Variants in SP100 observed in about 807,000 individuals in gnomAD.
The protein encoded by SP100 is nuclear autoantigen Sp-100.
A neutral mutation model predicts 130.0 loss-of-function variants in SP100; 84 were observed. The observed-to-expected ratio is 0.65, with a 90% confidence interval of 0.54 to 0.77. SP100 has a LOEUF of 0.77. SP100 is among the 30% of genes least tolerant of loss of function. The pLI is 0.00. For synonymous variants in SP100, 331 were observed against 351.7 expected, an observed-to-expected ratio of 0.94 and a Z score of 0.66; for missense variants, 978 against 1,052.2, an observed-to-expected ratio of 0.93 and a Z score of 0.97.
chr2:230,452,476 G>A (rs770960990), intron 8 of SP100, among the ~76,000 whole-genome samples: 22 of 152,216 alleles, frequency 1.4e-4, no homozygotes, highest in African/African-American at 4.6e-4. Context: ...GCACCTGGCC[G>A]CCATTGGAAT....
chr2:230,436,731 T>C lies in SP100; in HGVS notation c.108-6206T>C, dbSNP rs1575602371. On this transcript the variant is annotated intron_variant, in intron 2 of 28. Transcript: ENST00000340126. ...CTTTTTCTAGTTCTTATGAATTTTATTAGGTCTATAGGTTTCCTACATATA... is the reference window on the plus strand; with the variant it reads ...CTTTTTCTAGTTCTTATGAATTTTACTAGGTCTATAGGTTTCCTACATATA... 3.3e-5 allele frequency among the ~76,000 whole-genome samples: 5 copies of C among 152,342 alleles called. No homozygotes were observed. In the South Asian group the frequency reaches 8.3e-4, roughly 25 times the overall value.
chr2:230,445,546 G>T lies in SP100; in HGVS notation c.439+1200G>T, dbSNP rs113841206. Reference sequence around the variant, plus strand: ...CAGGTTTATAAACAAGGAAAGAAGTGTAAGCAGTAGTTGTATATGGCTTAT... The same window carrying T: ...CAGGTTTATAAACAAGGAAAGAAGTTTAAGCAGTAGTTGTATATGGCTTAT... On this transcript the variant is annotated intron_variant, in intron 4 of 28. Coordinates refer to ENST00000340126, the MANE Select transcript of SP100 (RefSeq NM_001080391.2). 2.0e-5 allele frequency among the ~76,000 whole-genome samples: 3 copies of T among 152,294 alleles called. 1 individual carries two copies. The highest frequency in any genetic ancestry group is 7.2e-5 in the African/African-American group (3 of 41,554).
At chr2:230,444,120 A>T in intron 3 of SP100, 58 bp from the exon 4 acceptor site, 1 of 1,245,888 alleles carries the variant, frequency 8.0e-7, no homozygotes, top group Non-Finnish European at 1.1e-6. Flanking sequence ...TCCTTTCTAG[A>T]GCTCTTCTGT....
rs1223219645 is a variant in SP100, at chr2:230,497,092, T to A, written c.1646-1369T>A. ...GAAATCCAAGAATAGCCACACTACTTCCTGTGGGGTATTTGAGCAAGACAA... is the reference window on the plus strand; with the variant it reads ...GAAATCCAAGAATAGCCACACTACTACCTGTGGGGTATTTGAGCAAGACAA... On this transcript the variant is annotated intron_variant, in intron 18 of 28. Coordinates refer to ENST00000340126, the MANE Select transcript of SP100 (RefSeq NM_001080391.2). Among the ~76,000 whole-genome samples, 4 of 152,140 alleles carry A rather than the reference T, an allele frequency of 2.6e-5. No individual in the cohort carries two copies. The East Asian group carries it at 7.7e-4, about 29-fold the overall frequency.
chr2:230,507,926 C>A lies in SP100; in HGVS notation c.2014-67C>A. The A allele has an allele frequency of 2.1e-6, 3 of 1,439,594 alleles. No individual in the cohort carries two copies. The South Asian group carries it at 3.7e-5, about 18-fold the overall frequency. The allele number at this position is 1,439,594 out of a possible 1,614,324, so 89.2% of individuals were successfully genotyped here. ...CAGGTAGGAATATTTGGAAGGCAGT[C>A]AGAAATACTAAGCTCACAAAATAAA... On this transcript the variant is annotated intron_variant, in intron 22 of 28. Coordinates refer to ENST00000340126, the MANE Select transcript of SP100 (RefSeq NM_001080391.2).
At chr2:230,539,221 C>A in intron 24 of SP100, 46 bp from the exon 25 acceptor site, 1 of 1,215,488 alleles carries the variant, frequency 8.2e-7, no homozygotes, top group Non-Finnish European at 1.2e-6. Context: ...ATTCTAGGGT[C>A]CAAGGGTCTC....
intron 24 of SP100, among the ~76,000 whole-genome samples, chr2:230,536,266 C>T (rs1470677715): frequency 1.3e-5 from 2 of 152,002 alleles, no homozygotes; most frequent in Admixed American, 1.3e-4. Context: ...TGGATTTGCC[C>T]ACGACACTCC....
At chr2:230,542,145 A>G in intron 28 of SP100, 110 bp downstream of exon 28, 1 of 1,101,594 alleles carries the variant, frequency 9.1e-7, no homozygotes, top group Non-Finnish European at 1.3e-6. Flanking sequence ...TTATCATATG[A>G]CAAGCCCATA....
chr2:230,510,874 G>T, intron 23 of SP100: 1 of 542,400 alleles, frequency 1.8e-6, no homozygotes, highest in Non-Finnish European at 3.3e-6. Flanking sequence ...CAGTCTCCCT[G>T]AATGGTTTCA....
intron 5 of SP100, among the ~76,000 whole-genome samples, 179 bp downstream of exon 5, chr2:230,447,081 G>A (rs2063743740): frequency 6.6e-6 from 1 of 152,160 alleles, no homozygotes; most frequent in Admixed American, 6.5e-5. Context: ...GGCATAGTTG[G>A]CTCAATAACC....
intron 24 of SP100, chr2:230,537,954 C>A (rs1166560224): frequency 6.6e-6 from 1 of 152,284 alleles, no homozygotes; most frequent in African/African-American, 2.4e-5. Context: ...AGGCAGAGCC[C>A]AAGGCTGTAT....
intron 24 of SP100, 116 bp from the exon 25 acceptor site, chr2:230,539,151 C>A (rs1692066215): frequency 1.5e-6 from 1 of 660,486 alleles, no homozygotes; most frequent in African/African-American, 1.8e-5. Context: ...ACTCAGCAAT[C>A]TTTAATATTT....
intron 24 of SP100, among the ~76,000 whole-genome samples, chr2:230,525,634 G>A (rs1417888780): frequency 6.6e-6 from 1 of 152,172 alleles, no homozygotes; most frequent in African/African-American, 2.4e-5. Context: ...AAGCACAAGG[G>A]GTGGGGGGAT....
At chr2:230,510,452 C>A in intron 23 of SP100, 1 of 119,100 alleles carries the variant, frequency 8.4e-6, no homozygotes. Flanking sequence ...TTTGCAGCTT[C>A]TCTGGATGGA....
intron 8 of SP100, among the ~76,000 whole-genome samples, chr2:230,460,157 A>G (rs572038321): frequency 1.8e-4 from 27 of 152,304 alleles, no homozygotes; most frequent in African/African-American, 6.0e-4. Context: ...GCAGAAACCA[A>G]CAGAAATGTG....
chr2:230,447,623 C>T (rs898248914), intron 5 of SP100, among the ~76,000 whole-genome samples: 5 of 152,158 alleles, frequency 3.3e-5, no homozygotes, highest in African/African-American at 1.2e-4. Flanking sequence ...AAGGATACAA[C>T]TCAAGAAGAG....
intron 2 of SP100, among the ~76,000 whole-genome samples, chr2:230,437,799 G>T (rs938858443): frequency 6.6e-6 from 1 of 151,878 alleles, no homozygotes; most frequent in Non-Finnish European, 1.5e-5. Flanking sequence ...CTCGTGATCC[G>T]CCCGCCTCAG....
intron 7 of SP100, 30 bp from the exon 8 acceptor site, chr2:230,450,142 G>A: frequency 6.6e-7 from 1 of 1,518,202 alleles, no homozygotes; most frequent in East Asian, 2.3e-5. Context: ...GGCTCTACTG[G>A]ATCTCAGCTG....
intron 15 of SP100, among the ~76,000 whole-genome samples, chr2:230,470,687 G>A (rs1284110375): frequency 6.6e-6 from 1 of 152,072 alleles, no homozygotes; most frequent in Non-Finnish European, 1.5e-5. Context: ...GGAAATAGAT[G>A]TACAGAAGTA....
Sources: gnomAD v4.1 joint callset for allele counts (sites outside exome capture counted in the v4.1 genomes callset) on GRCh38, gnomAD v4.1.1 for gene constraint, MANE v1.5 for transcripts, NCBI Gene and HGNC (gene_info 2026-07-23, HGNC 2026-07-21) for gene names.